HEXB: variants seen among roughly 807,000 people sequenced by gnomAD.
HEXB encodes hexosaminidase subunit beta.
A neutral mutation model predicts 71.2 loss-of-function variants in HEXB; 51 were observed. The ratio of observed to expected loss-of-function variants is 0.72; its 90% CI spans 0.57 to 0.90. HEXB has a LOEUF of 0.90. Ranked by LOEUF, HEXB falls within the 40% of genes least tolerant of loss-of-function variation. The pLI, the probability that HEXB is intolerant of heterozygous loss-of-function variation, is 0.00. For missense variants in HEXB, 617 were observed against 677.0 expected, an observed-to-expected ratio of 0.91 and a Z score of 0.98; for synonymous variants, 266 against 249.3, an observed-to-expected ratio of 1.07 and a Z score of -0.63.
At chr5:74,699,978 T>C (rs1370756042) in intron 5 of HEXB, among the ~76,000 whole-genome samples, 5 of 150,632 alleles carry the variant, frequency 3.3e-5, no homozygotes, top group Non-Finnish European at 7.4e-5. Flanking sequence ...TTTGTATATT[T>C]TATATTATAA....
chr5:74,695,324 C>T (rs561874360), intron 3 of HEXB, among the ~76,000 whole-genome samples: 11 of 150,184 alleles, frequency 7.3e-5, no homozygotes, highest in Admixed American at 5.9e-4. Context: ...CTGCCTCAGC[C>T]TCCCGAGTAG....
chr5:74,694,569 C>G (rs1428526473), intron 3 of HEXB, among the ~76,000 whole-genome samples: 1 of 152,062 alleles, frequency 6.6e-6, no homozygotes, highest in Non-Finnish European at 1.5e-5. Context: ...TTTCTTTTAC[C>G]TTTCTTTCTA....
intron 5 of HEXB, among the ~76,000 whole-genome samples, chr5:74,703,549 G>C (rs149153583): frequency 4.0e-4 from 61 of 152,244 alleles, no homozygotes; most frequent in Non-Finnish European, 5.3e-4. Context: ...GCTAGAAAAC[G>C]TGTGTACCTG....
intron 1 of HEXB, among the ~76,000 whole-genome samples, chr5:74,645,776 T>A (rs1011967913): frequency 2.0e-5 from 3 of 152,210 alleles, no homozygotes; most frequent in Admixed American, 6.5e-5. Flanking sequence ...CACAGCCTAT[T>A]GTAGGTTATA....
At position 74,657,615 on chromosome 5, in the gene HEXB, C is replaced by CA. The variant is rs751183297; in HGVS notation, c.-377+17063dup. On this transcript the variant is annotated intron_variant, in intron 1 of 13. Coordinates refer to the HEXB transcript ENST00000511181. ...TTGCTCTCGGCTGATTCCTCATGCA[C>CA]AAAAAATATTTGTTAAATAAAATGA... 6.6e-5 allele frequency among the ~76,000 whole-genome samples: 10 copies of CA among 152,238 alleles called. No homozygotes were observed. The South Asian group carries it at 8.3e-4, about 13-fold the overall frequency.
intron 1 of HEXB, among the ~76,000 whole-genome samples, chr5:74,648,460 C>T (rs1017459551): frequency 2.0e-5 from 3 of 152,212 alleles, no homozygotes; most frequent in African/African-American, 7.2e-5. Context: ...CCTCCAATCC[C>T]CTTCTCCAGC....
intron 9 of HEXB, among the ~76,000 whole-genome samples, chr5:74,717,186 C>T (rs1326718277): frequency 6.6e-6 from 1 of 151,980 alleles, no homozygotes; most frequent in African/African-American, 2.4e-5. Context: ...CTCAATCAAT[C>T]AATCAATCAA....
rs184541911 is a variant in HEXB, at chr5:74,647,272, A to C, written c.-377+6714A>C. Among the ~76,000 whole-genome samples, 7 of 152,370 alleles carry C rather than the reference A, an allele frequency of 4.6e-5. No individual in the cohort carries two copies. The East Asian group carries it at 1.3e-3, about 29-fold the overall frequency. Reference sequence around the variant, plus strand: ...AAAATGCAGGTTTTGTTTGGCCTCTATGCTCTGCTTCTAGGGCACAATGCC... The same window carrying C: ...AAAATGCAGGTTTTGTTTGGCCTCTCTGCTCTGCTTCTAGGGCACAATGCC... On this transcript the variant is annotated intron_variant, in intron 1 of 13. Transcript: ENST00000511181.
At chr5:74,695,184 G>A (rs1477602534) in intron 3 of HEXB, among the ~76,000 whole-genome samples, 1 of 149,304 alleles carries the variant, frequency 6.7e-6, no homozygotes, top group Non-Finnish European at 1.5e-5. Flanking sequence ...ATCTGCGTCT[G>A]CTAAGGAGAA....
intron 1 of HEXB, among the ~76,000 whole-genome samples, chr5:74,688,966 AC>A (rs1748933597): frequency 6.6e-6 from 1 of 151,782 alleles, no homozygotes; most frequent in African/African-American, 2.4e-5. Context: ...ACTCCCCCTA[AC>A]CCCCACATCC....
At chr5:74,718,131 C>T (rs1749721052) in intron 9 of HEXB, among the ~76,000 whole-genome samples, 160 bp from the exon 10 acceptor site, 1 of 152,210 alleles carries the variant, frequency 6.6e-6, no homozygotes, top group South Asian at 2.1e-4. Flanking sequence ...GGAGGAACTA[C>T]TTGTGACACT....
intron 1 of HEXB, among the ~76,000 whole-genome samples, chr5:74,671,525 G>A (rs1748539099): frequency 6.6e-6 from 1 of 152,170 alleles, no homozygotes; most frequent in African/African-American, 2.4e-5. Context: ...TAGGGCCAGG[G>A]GCAGGGAGGG....
intron 1 of HEXB, among the ~76,000 whole-genome samples, chr5:74,676,842 A>G (rs1748639277): frequency 6.6e-6 from 1 of 152,190 alleles, no homozygotes; most frequent in African/African-American, 2.4e-5. Context: ...TTAAAATAAC[A>G]TAAGCTATTG....
chr5:74,688,038 T>C (rs973406969), intron 1 of HEXB, among the ~76,000 whole-genome samples: 1 of 152,168 alleles, frequency 6.6e-6, no homozygotes, highest in African/African-American at 2.4e-5. Flanking sequence ...AATATTCTGA[T>C]TTTTGGATAC....
chr5:74,666,755 A>T (rs931647365), intron 1 of HEXB, among the ~76,000 whole-genome samples: 4 of 152,170 alleles, frequency 2.6e-5, no homozygotes, highest in South Asian at 2.1e-4. Context: ...AGAAATAGGG[A>T]CTAGAAAGGG....
chr5:74,711,415 A>G (rs1023364290), intron 6 of HEXB, among the ~76,000 whole-genome samples: 5 of 151,778 alleles, frequency 3.3e-5, no homozygotes, highest in African/African-American at 9.7e-5. Flanking sequence ...CAATGGCAAC[A>G]AAAGCCAAAA....
At chr5:74,678,920 A>T (rs770934257) in intron 1 of HEXB, among the ~76,000 whole-genome samples, 1 of 152,236 alleles carries the variant, frequency 6.6e-6, no homozygotes, top group Non-Finnish European at 1.5e-5. Flanking sequence ...TATTTTATTC[A>T]ATTTCACAAG....
rs777471786 is a variant in HEXB, at chr5:74,720,699, T to C, written c.1565T>C (p.Met522Thr). ...RLWSSKDVRD[M>T]DDAYDRLTRH... ...TGGAGTTCCAAAGATGTCAGAGATA[T>C]GGATGACGCCTATGACAGACTGACA... is the stretch of plus-strand genomic sequence containing the variant. The change falls in exon 13 of 14, where the codon ATG becomes ACG. Residue 522 changes from methionine (M) to threonine (T), a missense_variant. By Grantham distance (81) the Met-to-Thr change is moderately conservative. Coordinates refer to ENST00000261416, the MANE Select transcript of HEXB (RefSeq NM_000521.4). The C allele has an allele frequency of 1.9e-6, 3 of 1,614,224 alleles. No individual in the cohort carries two copies. Among genetic ancestry groups the C allele is most frequent in the Non-Finnish European group, 2.5e-6 (3 of 1,180,026 alleles).
chr5:74,707,518 G>A (rs1393967681), intron 6 of HEXB, among the ~76,000 whole-genome samples: 1 of 152,108 alleles, frequency 6.6e-6, no homozygotes, highest in Non-Finnish European at 1.5e-5. Flanking sequence ...TCAAACCAAA[G>A]GCAAAGAAGT....
Sources: gnomAD v4.1 joint callset for allele counts (sites outside exome capture counted in the v4.1 genomes callset) on GRCh38, gnomAD v4.1.1 for gene constraint, MANE v1.5 for transcripts, NCBI Gene and HGNC (gene_info 2026-07-23, HGNC 2026-07-21) for gene names.